The following KCNIP4 variants were observed in gnomAD, a reference collection of about 807,000 sequenced individuals.
KCNIP4 encodes the protein potassium voltage-gated channel interacting protein 4, also known as Kv channel-interacting protein 4.
A neutral mutation model predicts 34.0 loss-of-function variants in KCNIP4; 12 were observed. The observed-to-expected ratio is 0.35, with a 90% CI of 0.23 to 0.57. KCNIP4 has a LOEUF of 0.57. KCNIP4 is among the 20% of genes least tolerant of loss of function. The pLI is 0.83. For synonymous variants in KCNIP4, 124 were observed against 102.2 expected, an observed-to-expected ratio of 1.21 and a Z score of -1.29; for missense variants, 238 against 311.7, an observed-to-expected ratio of 0.76 and a Z score of 1.78.
intron 1 of KCNIP4, among the ~76,000 whole-genome samples, chr4:20,948,632 G>T (rs1440458732): frequency 1.3e-5 from 2 of 152,172 alleles, no homozygotes; most frequent in African/African-American, 4.8e-5. Context: ...ACGTGGCCTG[G>T]GAGTCTCCCA....
intron 1 of KCNIP4, among the ~76,000 whole-genome samples, chr4:21,359,568 G>T (rs1719007331): frequency 6.6e-6 from 1 of 151,978 alleles, no homozygotes; most frequent in African/African-American, 2.4e-5. Flanking sequence ...ACTGTACCCT[G>T]GTTCTCTTTT....
chr4:21,091,280 C>A (rs1441145012), intron 1 of KCNIP4, among the ~76,000 whole-genome samples: 1 of 152,050 alleles, frequency 6.6e-6, no homozygotes, highest in Non-Finnish European at 1.5e-5. Flanking sequence ...TAAAATATGG[C>A]AGGAAAAATA....
chr4:21,151,405 A>ATTTTTTTTT lies in KCNIP4; in HGVS notation c.62-268697_62-268696insAAAAAAAAA, dbSNP rs1491541435. ...AGAATGGATGTCTTCAACAAAAGAC[A>ATTTTTTTTT]ATTTTTTTTTTTTTTTTTTTTTTTT... On this transcript the variant is annotated intron_variant, in intron 1 of 8. Coordinates refer to ENST00000382152, the MANE Select transcript of KCNIP4 (RefSeq NM_025221.6). Among the ~76,000 whole-genome samples the ATTTTTTTTT allele has an allele frequency of 2.9e-4, 27 of 93,512 alleles. 4 individuals carry two copies. Among genetic ancestry groups the ATTTTTTTTT allele is most frequent in the African/African-American group, 1.1e-3 (26 of 24,720 alleles). 61.3% of individuals were successfully genotyped at this position (93,512 alleles called of 152,430 possible). A position where few individuals can be genotyped will look rare whatever the true frequency, so the allele number is the denominator to read the frequency against.
At chr4:21,784,065 G>A (rs760179390) in intron 1 of KCNIP4, among the ~76,000 whole-genome samples, 9 of 151,770 alleles carry the variant, frequency 5.9e-5, no homozygotes, top group Non-Finnish European at 1.3e-4. Context: ...CTGCATGGCT[G>A]GGGAGGCCTC....
intron 1 of KCNIP4, among the ~76,000 whole-genome samples, chr4:21,716,255 G>C (rs1471962274): frequency 6.6e-6 from 1 of 151,976 alleles, no homozygotes; most frequent in East Asian, 1.9e-4. Context: ...TTTTATTTTT[G>C]AGATAGAGTC....
At chr4:21,239,924 T>C (rs1316927324) in intron 1 of KCNIP4, among the ~76,000 whole-genome samples, 1 of 152,102 alleles carries the variant, frequency 6.6e-6, no homozygotes, top group African/African-American at 2.4e-5. Flanking sequence ...CACATGCACA[T>C]GTATGTTTAT....
At chr4:21,477,659 G>C (rs141888427) in intron 1 of KCNIP4, among the ~76,000 whole-genome samples, 116 of 152,262 alleles carry the variant, frequency 7.6e-4, no homozygotes, top group African/African-American at 2.7e-3. Flanking sequence ...TGTGCTACTT[G>C]AAAAATCATT....
intron 1 of KCNIP4, among the ~76,000 whole-genome samples, chr4:21,630,155 T>C (rs1745645476): frequency 6.7e-6 from 1 of 150,194 alleles, no homozygotes; most frequent in South Asian, 2.2e-4. Flanking sequence ...TGAGCCACCA[T>C]ACCCGGCCAA....
chr4:20,840,635 T>C (rs1004855765), intron 3 of KCNIP4, among the ~76,000 whole-genome samples: 1 of 152,152 alleles, frequency 6.6e-6, no homozygotes, highest in Non-Finnish European at 1.5e-5. Flanking sequence ...AACCACGAGA[T>C]GGAAGGAGTG....
intron 1 of KCNIP4, among the ~76,000 whole-genome samples, chr4:20,984,530 G>A (rs2149696578): frequency 6.6e-6 from 1 of 152,250 alleles, no homozygotes; most frequent in Middle Eastern, 3.4e-3. Flanking sequence ...AGCCCCCGTG[G>A]AAGTCTAGAG....
intron 1 of KCNIP4, among the ~76,000 whole-genome samples, chr4:21,750,766 C>T (rs149855321): frequency 7.4e-4 from 112 of 152,178 alleles, no homozygotes; most frequent in Non-Finnish European, 6.6e-4. Context: ...AGTTATTTCG[C>T]GGAGAAGCTG....
At position 21,010,339 on chromosome 4, in the gene KCNIP4, G is replaced by T. The variant is rs543986770; in HGVS notation, c.62-127630C>A. 2.6e-5 allele frequency among the ~76,000 whole-genome samples: 4 copies of T among 152,264 alleles called. No homozygotes were observed. In the East Asian group the frequency reaches 5.8e-4, roughly 22 times the overall value. ...AATTTTTAACATTTAAAATAGAAAA[G>T]AAATTGTACATTTAAAGAAAATATG... On this transcript the variant is annotated intron_variant, in intron 1 of 8. Transcript: ENST00000382152.
chr4:21,200,200 A>T (rs184999297), intron 1 of KCNIP4, among the ~76,000 whole-genome samples: 6 of 151,918 alleles, frequency 3.9e-5, no homozygotes, highest in Non-Finnish European at 7.4e-5. Flanking sequence ...AAAAAAAGAC[A>T]CCTGCATGCA....
At chr4:20,953,239 G>A (rs989554179) in intron 1 of KCNIP4, among the ~76,000 whole-genome samples, 47 of 152,238 alleles carry the variant, frequency 3.1e-4, no homozygotes, top group African/African-American at 1.0e-3. Context: ...CGGCTTCTGT[G>A]TCTCTCTTCA....
rs58737840 is a variant in KCNIP4 at position 21,146,084 on chromosome 4, T to C, written c.62-263375A>G. 4.0e-3 allele frequency among the ~76,000 whole-genome samples: 613 copies of C among 152,304 alleles called. 5 individuals carry two copies. Among genetic ancestry groups the C allele is most frequent in the African/African-American group, 0.013 (558 of 41,574 alleles). ...TTAGATTCTTTGAATACAGATTCTA[T>C]GAAAGAGAAAAATCCTTAAAAGTGG... On this transcript the variant is annotated intron_variant, in intron 1 of 8. Transcript: ENST00000382152.
At chr4:21,222,693 T>C (rs549567392) in intron 1 of KCNIP4, among the ~76,000 whole-genome samples, 2 of 152,340 alleles carry the variant, frequency 1.3e-5, no homozygotes, top group Admixed American at 1.3e-4. Context: ...TGACTTTCAA[T>C]TTGTAATTTT....
intron 1 of KCNIP4, among the ~76,000 whole-genome samples, chr4:21,643,273 T>C (rs1746747963): frequency 6.6e-6 from 1 of 152,192 alleles, no homozygotes; most frequent in Non-Finnish European, 1.5e-5. Context: ...TACATCATAG[T>C]AGTTAAGTTA....
chr4:21,652,431 G>A (rs569848743), intron 1 of KCNIP4, among the ~76,000 whole-genome samples: 1 of 152,132 alleles, frequency 6.6e-6, no homozygotes, highest in South Asian at 2.1e-4. Flanking sequence ...GGTGGGAGGT[G>A]GAACACCCAC....
intron 3 of KCNIP4, among the ~76,000 whole-genome samples, chr4:20,845,547 T>A (rs1281641262): frequency 1.3e-5 from 2 of 152,190 alleles, no homozygotes. Flanking sequence ...TCCAGGTGAA[T>A]AGACAGTCTT....
Sources: allele counts gnomAD v4.1 joint callset (sites outside exome capture counted in the v4.1 genomes callset), GRCh38; gene constraint gnomAD v4.1.1; transcripts MANE v1.5; gene names NCBI Gene and HGNC (gene_info 2026-07-23, HGNC 2026-07-21).